The following ULK2 variants were observed in gnomAD, a reference collection of about 807,000 sequenced individuals.
ULK2 encodes unc-51 like autophagy activating kinase 2.
Under a neutral mutation model 127.5 loss-of-function variants are expected in ULK2, and 76 were observed. That is an observed-to-expected ratio of 0.60 (90% CI 0.50 to 0.72). The LOEUF (loss-of-function observed/expected upper bound fraction) is 0.72. ULK2 is among the 30% of genes least tolerant of loss of function. ULK2 has a pLI of 0.00. For synonymous variants in ULK2, 452 were observed against 461.9 expected (o/e 0.98, Z 0.28); for missense variants, 1,144 against 1,295.9 (o/e 0.88, Z 1.80).
At chr17:19,831,673 A>C (rs1238404204) in intron 10 of ULK2, among the ~76,000 whole-genome samples, 1 of 151,868 alleles carries the variant, frequency 6.6e-6, no homozygotes, top group East Asian at 1.9e-4. Context: ...AAAAACACAA[A>C]CAAATTAGCC....
intron 10 of ULK2, among the ~76,000 whole-genome samples, chr17:19,828,641 G>C (rs2041354454): frequency 6.6e-6 from 1 of 152,158 alleles, no homozygotes; most frequent in African/African-American, 2.4e-5. Flanking sequence ...CAACACTAAA[G>C]AGAGCAGTAA....
chr17:19,792,004 G>A (rs2087166442), intron 20 of ULK2, among the ~76,000 whole-genome samples: 1 of 151,960 alleles, frequency 6.6e-6, no homozygotes, highest in Non-Finnish European at 1.5e-5. Context: ...ATGGAGAAAG[G>A]AAATTGAAAA....
Position 19,782,318 on chromosome 17 carries a change from G to A in ULK2, c.2461-251C>T, listed in dbSNP as rs1464807212. Among the ~76,000 whole-genome samples the A allele has an allele frequency of 3.9e-5, 6 of 152,076 alleles. No homozygotes were observed. The East Asian group carries it at 7.7e-4, about 20-fold the overall frequency. On this transcript the variant is annotated intron_variant, in intron 22 of 26. Transcript: ENST00000395544. ...CACATAAGTAAACTCAGGATGGGTCGCTGTGCTTTTACCAGAAAAAGAAAA... is the reference window on the plus strand; with the variant it reads ...CACATAAGTAAACTCAGGATGGGTCACTGTGCTTTTACCAGAAAAAGAAAA...
chr17:19,837,002 CT>C (rs1347049709), intron 10 of ULK2, among the ~76,000 whole-genome samples: 2 of 152,048 alleles, frequency 1.3e-5, no homozygotes, highest in Admixed American at 1.3e-4. Context: ...GGGAGAATCA[CT>C]TGCACCCAGG....
chr17:19,849,398 T>A lies in ULK2; in HGVS notation c.266A>T (p.Asn89Ile). 1 of 1,607,676 alleles carries A rather than the reference T, an allele frequency of 6.2e-7. No individual in the cohort carries two copies. The highest frequency in any genetic ancestry group is 8.5e-7 in the Non-Finnish European group (1 of 1,176,168). The change falls in exon 5 of 27, where the codon AAT (asparagine) becomes ATT (isoleucine). Residue 89 changes from asparagine to isoleucine, a missense_variant. Physicochemically the swap from Asn to Ile is moderately radical, Grantham distance 149. Coordinates refer to ENST00000395544, the MANE Select transcript of ULK2 (RefSeq NM_014683.4). The part of the protein sequence containing the change: ...NSVFLVMEYC[N>I]GGDLADYLQA... ...CAAATAATCTGCGAGGTCTCCACCA[T>A]TGCAATACTGACATAGAAAAGAGAA...
At position 19,804,709 on chromosome 17, in the gene ULK2, C is replaced by T. The variant is rs1428060148; in HGVS notation, c.1279G>A (p.Val427Ile). Residue 427 changes from valine to isoleucine, a missense_variant, in exon 15 of 27, where the codon GTA becomes ATA. Val to Ile is a conservative substitution (Grantham distance 29, BLOSUM62 3). Transcript: ENST00000395544. The part of the protein sequence containing the change: ...LTSTASSGTN[V>I]HGSPRSAVVR... ...CTAACTTACCTTGGAGAACCATGTA[C>T]ATTTGTGCCTGAGCTGGCAGTAGAT... The T allele has an allele frequency of 6.2e-7, 1 of 1,606,828 alleles. No individual in the cohort carries two copies. The highest frequency in any genetic ancestry group is 8.5e-7 in the Non-Finnish European group (1 of 1,176,204).
chr17:19,774,832 AC>A lies in ULK2; in HGVS notation c.*1516del, dbSNP rs2086787724. ...ATTACACAACAATTCAGTGAGTTTTACCTAGTTTCAAGAATAATGCATGCAG... is the reference window on the plus strand; with the variant it reads ...ATTACACAACAATTCAGTGAGTTTTACTAGTTTCAAGAATAATGCATGCAG... On this transcript the variant is annotated 3_prime_UTR_variant, in exon 27 of 27. Transcript: ENST00000395544. The A allele has an allele frequency of 6.5e-6, 1 of 152,674 alleles. No individual in the cohort carries two copies. The highest frequency in any genetic ancestry group is 1.5e-5 in the Non-Finnish European group (1 of 68,040). 9.5% of individuals were successfully genotyped at this position (152,674 alleles called of 1,614,324 possible).
At chr17:19,781,847 A>C in intron 23 of ULK2, 42 bp downstream of exon 23, 1 of 1,594,016 alleles carries the variant, frequency 6.3e-7, no homozygotes, top group Admixed American at 1.7e-5. Context: ...AGTTTAGACA[A>C]AGCATGAAAA....
Position 19,773,984 on chromosome 17 carries a change from C to A in ULK2, c.*2365G>T, listed in dbSNP as rs1291237259. On this transcript the variant is annotated 3_prime_UTR_variant, in exon 27 of 27. Transcript: ENST00000395544. Reference sequence around the variant, plus strand: ...AAACCAACTATATACAGCATAGGCTCTCTCTCTATATATAGTCCAGTGGAG... The same window carrying A: ...AAACCAACTATATACAGCATAGGCTATCTCTCTATATATAGTCCAGTGGAG... 1 of 145,590 alleles carries A rather than the reference C, an allele frequency of 6.9e-6. No individual in the cohort carries two copies. The highest frequency in any genetic ancestry group is 1.6e-5 in the Non-Finnish European group (1 of 64,286). 9.0% of individuals were successfully genotyped at this position (145,590 alleles called of 1,614,324 possible).
At chr17:19,855,171 G>A (rs1383282468) in intron 3 of ULK2, among the ~76,000 whole-genome samples, 5 of 151,392 alleles carry the variant, frequency 3.3e-5, no homozygotes, top group East Asian at 1.9e-4. Flanking sequence ...TTGGGAGGCC[G>A]AGGCGGGTGG....
chr17:19,822,147 G>T (rs2041165664), intron 12 of ULK2, among the ~76,000 whole-genome samples: 1 of 148,200 alleles, frequency 6.7e-6, no homozygotes, highest in Non-Finnish European at 1.5e-5. Flanking sequence ...CACCACACCT[G>T]GCTAATTTTT....
In ULK2 at chr17:19,810,422, C is replaced by G. The variant is rs201974718; in HGVS notation, c.1113G>C (p.Gly371=). 1.1e-4 allele frequency: 171 copies of G among 1,607,436 alleles called. No individual in the cohort carries two copies. The highest frequency in any genetic ancestry group is 1.3e-4 in the Non-Finnish European group (154 of 1,175,016). ...CATTTGAAGCACGTCTGCCAGCAGT[C>G]CCCACTGGCATATCACCTAAAGGAG... ...SSDHSCDMPV[G]TAGRRASNEF... Residue 371 remains glycine (G), a synonymous_variant, in exon 14 of 27, where the codon GGG becomes GGC. Coordinates refer to ENST00000395544, the MANE Select transcript of ULK2 (RefSeq NM_014683.4).
intron 2 of ULK2, among the ~76,000 whole-genome samples, chr17:19,865,305 C>T (rs139317412): frequency 3.3e-5 from 5 of 152,234 alleles, no homozygotes; most frequent in Non-Finnish European, 7.4e-5. Context: ...ACTTAGATAA[C>T]ACTGGTTGTG....
intron 20 of ULK2, among the ~76,000 whole-genome samples, chr17:19,788,879 G>A (rs2087091746): frequency 6.6e-6 from 1 of 152,220 alleles, no homozygotes; most frequent in South Asian, 2.1e-4. Context: ...GAAAGACCGG[G>A]AAGGACTTTG....
intron 14 of ULK2, among the ~76,000 whole-genome samples, chr17:19,809,285 C>T (rs762224623): frequency 1.6e-4 from 24 of 151,820 alleles, no homozygotes; most frequent in Non-Finnish European, 3.1e-4. Context: ...GAAGGGGAAA[C>T]GGGGAGGTAA....
At chr17:19,831,509 C>T (rs2041441468) in intron 10 of ULK2, among the ~76,000 whole-genome samples, 1 of 152,140 alleles carries the variant, frequency 6.6e-6, no homozygotes, top group Non-Finnish European at 1.5e-5. Context: ...GAAAAATATA[C>T]CTGTAAACAC....
chr17:19,840,154 G>A lies in ULK2; in HGVS notation c.704+1335C>T, dbSNP rs1323456515. The A allele has an allele frequency of 1.5e-5, 7 of 452,204 alleles. No individual in the cohort carries two copies. In the East Asian group the frequency reaches 2.0e-4, roughly 13 times the overall value. The allele number at this position is 452,204 out of a possible 1,614,324, so 28.0% of individuals were successfully genotyped here. A position where few individuals can be genotyped will look rare whatever the true frequency, so the allele number is the denominator to read the frequency against. On this transcript the variant is annotated intron_variant, in intron 9 of 26. Transcript: ENST00000395544. The stretch of plus-strand genomic sequence containing the variant: ...TCGTTCCCAAAGTATACTCTATCAC[G>A]CCTGGCCACTGTGCCCCCGACCCTC...
At chr17:19,853,851 G>A (rs1010595219) in intron 3 of ULK2, among the ~76,000 whole-genome samples, 16 of 151,738 alleles carry the variant, frequency 1.1e-4, no homozygotes, top group East Asian at 9.8e-4. Flanking sequence ...GATTACAGGC[G>A]GGAGCCACCA....
At chr17:19,859,597 C>A (rs1597823868) in intron 3 of ULK2, among the ~76,000 whole-genome samples, 1 of 152,154 alleles carries the variant, frequency 6.6e-6, no homozygotes, top group Non-Finnish European at 1.5e-5. Flanking sequence ...TAAAAACACA[C>A]AAAGATATAT....
Sources: gnomAD v4.1 joint callset for allele counts (sites outside exome capture counted in the v4.1 genomes callset) on GRCh38, gnomAD v4.1.1 for gene constraint, MANE v1.5 for transcripts, NCBI Gene and HGNC (gene_info 2026-07-23, HGNC 2026-07-21) for gene names.